The following GFPT1 variants were observed in gnomAD, a reference collection of about 807,000 sequenced individuals.
The protein encoded by GFPT1 is glutamine--fructose-6-phosphate aminotransferase [isomerizing] 1.
A neutral mutation model predicts 92.0 loss-of-function variants in GFPT1; 40 were observed. That is an observed-to-expected ratio of 0.43 (90% confidence interval 0.34 to 0.57). The LOEUF is 0.57. Ranked by LOEUF, GFPT1 falls within the 20% of genes least tolerant of loss-of-function variation. GFPT1 has a pLI of 0.02. For synonymous variants in GFPT1, 269 were observed against 280.6 expected, an observed-to-expected ratio of 0.96 and a Z score of 0.41; for missense variants, 448 against 869.1, an observed-to-expected ratio of 0.52 and a Z score of 6.09.
At chr2:69,377,830 T>C (rs1349339476) in intron 1 of GFPT1, among the ~76,000 whole-genome samples, 1 of 152,198 alleles carries the variant, frequency 6.6e-6, no homozygotes, top group East Asian at 1.9e-4. Flanking sequence ...CCTGCGGGGA[T>C]ACCGGGTTAA....
At chr2:69,326,367 A>T (rs1218313608) in intron 19 of GFPT1, 134 bp from the exon 20 acceptor site, 2 of 659,384 alleles carry the variant, frequency 3.0e-6, no homozygotes, top group Middle Eastern at 3.9e-4. Flanking sequence ...TTTATTACAG[A>T]CTACAAAGAA....
At position 69,370,117 on chromosome 2, in the gene GFPT1, T is replaced by C. The variant is rs1402780403; in HGVS notation, c.116-9A>G. The C allele has an allele frequency of 1.3e-6, 2 of 1,574,006 alleles. No individual in the cohort carries two copies. The highest frequency in any genetic ancestry group is 2.2e-5 in the East Asian group (1 of 44,662). On this transcript the variant is annotated splice_polypyrimidine_tract_variant and intron_variant, in intron 2 of 19. Transcript: ENST00000357308. The stretch of plus-strand genomic sequence containing the variant: ...TCCATCAAATCCCACACCTAAACCA[T>C]CATGAGGTAAAAAAGCAAAATTTAG...
At chr2:69,361,916 G>A (rs1264777835) in intron 4 of GFPT1, among the ~76,000 whole-genome samples, 3 of 152,142 alleles carry the variant, frequency 2.0e-5, no homozygotes, top group African/African-American at 7.2e-5. Context: ...AGAATTTGAG[G>A]TTACAGTGAG....
At chr2:69,333,145 C>A (rs1406954048) in intron 15 of GFPT1, among the ~76,000 whole-genome samples, 4 of 152,148 alleles carry the variant, frequency 2.6e-5, no homozygotes, top group African/African-American at 7.2e-5. Context: ...TCTACTTCTT[C>A]CTACTGTGGT....
chr2:69,349,152 T>C (rs1247364889), intron 10 of GFPT1, among the ~76,000 whole-genome samples: 1 of 152,228 alleles, frequency 6.6e-6, no homozygotes, highest in Non-Finnish European at 1.5e-5. Context: ...TCTACACTTC[T>C]GTGATCATTG....
intron 19 of GFPT1, among the ~76,000 whole-genome samples, chr2:69,326,683 C>T (rs1017725018): frequency 6.6e-6 from 1 of 152,194 alleles, no homozygotes; most frequent in Non-Finnish European, 1.5e-5. Flanking sequence ...CAGGTGGAGA[C>T]TACCCAAGGT....
At chr2:69,327,189 ACTT>A (rs955160704) in intron 18 of GFPT1, 114 bp from the exon 19 acceptor site, 44 of 846,258 alleles carry the variant, frequency 5.2e-5, no homozygotes, top group Non-Finnish European at 8.4e-5. Flanking sequence ...TCACGGACAG[ACTT>A]CTTTAAATTC....
chr2:69,365,513 T>C (rs560068723), intron 3 of GFPT1, among the ~76,000 whole-genome samples: 6 of 152,328 alleles, frequency 3.9e-5, no homozygotes, highest in Non-Finnish European at 5.9e-5. Context: ...CACAATGGTA[T>C]ATTCTATTGT....
intron 3 of GFPT1, among the ~76,000 whole-genome samples, chr2:69,368,418 A>G (rs557376182): frequency 1.8e-4 from 28 of 152,104 alleles, no homozygotes; most frequent in Non-Finnish European, 2.1e-4. Context: ...AGACACTCAG[A>G]TAACTACACT....
chr2:69,329,906 T>C (rs980686282), intron 15 of GFPT1, 108 bp from the exon 16 acceptor site: 34 of 736,578 alleles, frequency 4.6e-5, no homozygotes, highest in Non-Finnish European at 8.5e-5. Flanking sequence ...TTTTACAGTA[T>C]ATATTCTCTA....
intron 15 of GFPT1, among the ~76,000 whole-genome samples, chr2:69,331,370 T>G (rs1248103854): frequency 6.6e-6 from 1 of 152,192 alleles, no homozygotes; most frequent in African/African-American, 2.4e-5. Context: ...TAGTTATTGT[T>G]CAAAACAAAA....
At chr2:69,369,354 T>A (rs1424489441) in intron 3 of GFPT1, among the ~76,000 whole-genome samples, 1 of 152,190 alleles carries the variant, frequency 6.6e-6, no homozygotes, top group Non-Finnish European at 1.5e-5. Context: ...TTTCCTGGGT[T>A]TTGTGGAGAA....
intron 3 of GFPT1, among the ~76,000 whole-genome samples, chr2:69,364,888 G>C (rs1429662333): frequency 6.6e-6 from 1 of 150,788 alleles, no homozygotes; most frequent in Admixed American, 6.6e-5. Context: ...CCAGCTACTC[G>C]GGAGGTTGAG....
chr2:69,359,214 C>A, intron 5 of GFPT1, 54 bp downstream of exon 5: 1 of 905,080 alleles, frequency 1.1e-6, no homozygotes, highest in Non-Finnish European at 1.9e-6. Context: ...GACCCCAGTG[C>A]TCTCGTTAGA....
At chr2:69,328,769 C>G (rs1670592184) in intron 17 of GFPT1, among the ~76,000 whole-genome samples, 1 of 142,380 alleles carries the variant, frequency 7.0e-6, no homozygotes, top group South Asian at 2.2e-4. Flanking sequence ...GGTGTGATCT[C>G]GGCTCACTGC....
intron 17 of GFPT1, 142 bp from the exon 18 acceptor site, chr2:69,328,580 C>CT: frequency 1.6e-6 from 1 of 626,872 alleles, no homozygotes; most frequent in Non-Finnish European, 2.8e-6. Flanking sequence ...ATAAATATAT[C>CT]TAACAAGTTA....
chr2:69,365,125 T>C (rs928824032), intron 3 of GFPT1, among the ~76,000 whole-genome samples: 4 of 150,102 alleles, frequency 2.7e-5, no homozygotes, highest in Middle Eastern at 7.0e-3. Flanking sequence ...ATTTCCTAAA[T>C]ATAAAATTAA....
chr2:69,338,809 T>TTTC (rs1439002832), intron 13 of GFPT1, among the ~76,000 whole-genome samples: 5 of 150,106 alleles, frequency 3.3e-5, no homozygotes, highest in Non-Finnish European at 5.9e-5. Context: ...TTCCTTTTTT[T>TTTC]TTTTTTTTTG....
intron 3 of GFPT1, 114 bp downstream of exon 3, chr2:69,369,887 A>G: frequency 1.3e-6 from 1 of 746,892 alleles, no homozygotes; most frequent in Non-Finnish European, 2.5e-6. Context: ...GTTACAGACC[A>G]TTATCATTAA....
Sources: allele counts gnomAD v4.1 joint callset (sites outside exome capture counted in the v4.1 genomes callset), GRCh38; gene constraint gnomAD v4.1.1; transcripts MANE v1.5; gene names NCBI Gene and HGNC (gene_info 2026-07-23, HGNC 2026-07-21).